ADGRB3: variants seen among roughly 807,000 people sequenced by gnomAD.
ADGRB3 encodes adhesion G protein-coupled receptor B3.
Under a neutral mutation model 193.4 loss-of-function variants are expected in ADGRB3, and 37 were observed. The ratio of observed to expected loss-of-function variants is 0.19; its 90% CI spans 0.15 to 0.25. The LOEUF is 0.25. Among genes scored for constraint, ADGRB3 ranks in the 10% least tolerant of loss-of-function variants. The probability of loss-of-function intolerance (pLI) is 1.00; values close to 1 mark genes in which losing one functional copy is unlikely to be tolerated. For synonymous variants in ADGRB3, 690 were observed against 644.2 expected, an observed-to-expected ratio of 1.07 and a Z score of -1.08; for missense variants, 1,637 against 1,852.9, an observed-to-expected ratio of 0.88 and a Z score of 2.14.
intron 6 of ADGRB3, among the ~76,000 whole-genome samples, chr6:68,947,196 A>G (rs543943700): frequency 6.6e-6 from 1 of 152,160 alleles, no homozygotes; most frequent in African/African-American, 2.4e-5. Context: ...TTTGTAATCT[A>G]TACTAATAAT....
At chr6:68,812,429 A>G (rs936350473) in intron 3 of ADGRB3, among the ~76,000 whole-genome samples, 1 of 152,128 alleles carries the variant, frequency 6.6e-6, no homozygotes, top group African/African-American at 2.4e-5. Flanking sequence ...AGATAATTAT[A>G]TGACTTGCCA....
chr6:68,934,915 A>C (rs2150247729), intron 4 of ADGRB3, among the ~76,000 whole-genome samples: 1 of 152,320 alleles, frequency 6.6e-6, no homozygotes, highest in East Asian at 1.9e-4. Context: ...TGAATTGATG[A>C]AGGGTTATCT....
At chr6:69,130,786 A>G (rs766403835) in intron 17 of ADGRB3, among the ~76,000 whole-genome samples, 2 of 151,964 alleles carry the variant, frequency 1.3e-5, no homozygotes, top group Non-Finnish European at 2.9e-5. Flanking sequence ...CTTGAATGAC[A>G]CAATGATTTC....
intron 3 of ADGRB3, among the ~76,000 whole-genome samples, chr6:68,836,471 G>C (rs1009121866): frequency 1.3e-5 from 2 of 152,068 alleles, no homozygotes; most frequent in Admixed American, 1.3e-4. Flanking sequence ...TTGTTGGTTA[G>C]TTTCAGAAAG....
chr6:69,197,066 G>A (rs4706904), intron 17 of ADGRB3, among the ~76,000 whole-genome samples: 235 of 152,148 alleles, frequency 1.5e-3, no homozygotes, highest in Admixed American at 0.011. Context: ...ATATGTATAT[G>A]TGTGGGTGTC....
At chr6:68,804,442 GCA>G (rs1447844853) in intron 3 of ADGRB3, among the ~76,000 whole-genome samples, 1 of 152,142 alleles carries the variant, frequency 6.6e-6, no homozygotes, top group Non-Finnish European at 1.5e-5. Flanking sequence ...TACATGCAAT[GCA>G]TTAGAAGTAT....
At position 69,192,025 on chromosome 6, in the gene ADGRB3, T is replaced by C. The variant is rs141096398; in HGVS notation, c.2481-41265T>C. ...TAATAATTGTTACCCTTAATCTTTA[T>C]CTGTGTGAATATCTGTGTATTAGTC... is the stretch of plus-strand genomic sequence containing the variant. On this transcript the variant is annotated intron_variant, in intron 17 of 31. Coordinates refer to ENST00000370598, the MANE Select transcript of ADGRB3 (RefSeq NM_001704.3). Among the ~76,000 whole-genome samples, 106 of 152,230 alleles carry C rather than the reference T, an allele frequency of 7.0e-4. 1 individual carries two copies. Among genetic ancestry groups the C allele is most frequent in the African/African-American group, 2.4e-3 (98 of 41,556 alleles).
At chr6:68,983,854 G>A (rs58203753) in intron 10 of ADGRB3, among the ~76,000 whole-genome samples, 10,172 of 152,058 alleles carry the variant, frequency 0.067, 1,033 homozygotes, top group African/African-American at 0.22. Context: ...AAAACAGTGA[G>A]GTCTCTCTAT....
chr6:68,965,367 A>G (rs747477852), intron 8 of ADGRB3, among the ~76,000 whole-genome samples: 12 of 152,162 alleles, frequency 7.9e-5, no homozygotes, highest in South Asian at 2.1e-4. Flanking sequence ...ATCCTCCAGC[A>G]CAGGGAATTC....
In ADGRB3 at chr6:68,788,329, T is replaced by C. The variant is rs554323105; in HGVS notation, c.758-142230T>C. ...TTCCTTCTTCACACAGCTTTGAATG[T>C]GTCCCAGAGATTCTGGTATGTTGTG... On this transcript the variant is annotated intron_variant, in intron 3 of 31. Transcript: ENST00000370598. 3.0e-3 allele frequency among the ~76,000 whole-genome samples: 457 copies of C among 152,316 alleles called. 5 individuals are homozygous for C. Among genetic ancestry groups the C allele is most frequent in the African/African-American group, 0.011 (445 of 41,576 alleles).
chr6:69,084,992 G>T (rs929736284), intron 17 of ADGRB3, among the ~76,000 whole-genome samples: 4 of 152,068 alleles, frequency 2.6e-5, no homozygotes, highest in Non-Finnish European at 5.9e-5. Flanking sequence ...TCTCTTGTTT[G>T]AAAAATGGGT....
At chr6:68,960,484 A>G (rs1201455969) in intron 8 of ADGRB3, among the ~76,000 whole-genome samples, 1 of 152,142 alleles carries the variant, frequency 6.6e-6, no homozygotes, top group Middle Eastern at 3.2e-3. Flanking sequence ...GCCCTATAAT[A>G]TAGCGAATGT....
intron 3 of ADGRB3, among the ~76,000 whole-genome samples, chr6:68,805,188 GC>G (rs1317678199): frequency 6.6e-6 from 1 of 152,122 alleles, no homozygotes; most frequent in Non-Finnish European, 1.5e-5. Context: ...CCGACTGTCT[GC>G]TTTGGCCTCC....
At position 68,635,729 on chromosome 6, in the gene ADGRB3, G is replaced by T. The variant is rs1298543201; in HGVS notation, c.-459G>T. 1 of 152,394 alleles carries T rather than the reference G, an allele frequency of 6.6e-6. No individual in the cohort carries two copies. The highest frequency in any genetic ancestry group is 1.5e-5 in the Non-Finnish European group (1 of 68,188). 9.4% of individuals were successfully genotyped at this position (152,394 alleles called of 1,614,324 possible). ...TCCCTTTAGCCCCCCTCGGTTTGGA[G>T]GTTGGATTCAGTTGGATACGGCGCA... On this transcript the variant is annotated 5_prime_UTR_variant, in exon 1 of 32. In the 5' UTR this introduces an upstream ATG that the reference lacks. Coordinates refer to ENST00000370598, the MANE Select transcript of ADGRB3 (RefSeq NM_001704.3).
intron 17 of ADGRB3, among the ~76,000 whole-genome samples, chr6:69,208,864 A>G (rs1765596662): frequency 6.6e-6 from 1 of 152,246 alleles, no homozygotes; most frequent in Non-Finnish European, 1.5e-5. Context: ...TTGATGGGTT[A>G]GAAAGCACCC....
intron 17 of ADGRB3, among the ~76,000 whole-genome samples, chr6:69,079,284 T>C (rs1772320232): frequency 6.6e-6 from 1 of 152,078 alleles, no homozygotes. Context: ...AAATTCAAAG[T>C]GATTTTCTCA....
At chr6:69,161,945 T>C (rs1561938706) in intron 17 of ADGRB3, among the ~76,000 whole-genome samples, 1 of 151,994 alleles carries the variant, frequency 6.6e-6, no homozygotes, top group South Asian at 2.1e-4. Context: ...CCACAGAAAT[T>C]TGGTAGCTTA....
Position 69,108,271 on chromosome 6 carries a change from A to G in ADGRB3, c.2480+32233A>G, listed in dbSNP as rs141841953. Reference sequence around the variant, plus strand: ...TAAGATTGAGTACGGTGAAGTGGCTAAGGGTTTACCTAAGTTTTCAGATCA... The same window carrying G: ...TAAGATTGAGTACGGTGAAGTGGCTGAGGGTTTACCTAAGTTTTCAGATCA... On this transcript the variant is annotated intron_variant, in intron 17 of 31. Coordinates refer to ENST00000370598, the MANE Select transcript of ADGRB3 (RefSeq NM_001704.3). Among the ~76,000 whole-genome samples the G allele has an allele frequency of 5.3e-5, 8 of 152,258 alleles. No homozygotes were observed. The South Asian group carries it at 1.2e-3, about 24-fold the overall frequency.
At chr6:68,840,143 A>G (rs1768123519) in intron 3 of ADGRB3, among the ~76,000 whole-genome samples, 1 of 152,160 alleles carries the variant, frequency 6.6e-6, no homozygotes, top group South Asian at 2.1e-4. Flanking sequence ...CAAAGACTGC[A>G]ACTCCTAAGC....
Sources: allele counts gnomAD v4.1 joint callset (sites outside exome capture counted in the v4.1 genomes callset), GRCh38; gene constraint gnomAD v4.1.1; transcripts MANE v1.5; gene names NCBI Gene and HGNC (gene_info 2026-07-23, HGNC 2026-07-21).